SYNE2: variants seen among roughly 807,000 people sequenced by gnomAD.
SYNE2 encodes the protein nesprin-2.
SYNE2 carries 431 observed loss-of-function variants against 856.3 expected under a neutral mutation model. That is an observed-to-expected ratio of 0.50 (90% confidence interval 0.47 to 0.55). SYNE2 has a LOEUF of 0.55. SYNE2 is among the 20% of genes least tolerant of loss of function. SYNE2 has a pLI of 0.00. For synonymous variants in SYNE2, 2,923 were observed against 2,872.3 expected, an observed-to-expected ratio of 1.02 and a Z score of -0.56; for missense variants, 8,129 against 8,023.2, an observed-to-expected ratio of 1.01 and a Z score of -0.50.
At chr14:64,123,120 A>G (rs535107017) in intron 70 of SYNE2, among the ~76,000 whole-genome samples, 17 of 152,060 alleles carry the variant, frequency 1.1e-4, no homozygotes, top group Non-Finnish European at 2.5e-4. Context: ...AAAACACTTT[A>G]AAAACTATAC....
Position 63,941,746 on chromosome 14 carries a change from C to T in SYNE2, c.193C>T (p.His65Tyr). ...SDLFTDIKKG[H>Y]VLLDLLEVLS... ...CCTATTCACAGACATTAAAAAGGGG[C>T]ATGTCCTCCTGGATCTGCTAGAAGT... The change falls in exon 4 of 116, where the codon CAT becomes TAT. Residue 65 changes from histidine (H) to tyrosine (Y), a missense_variant. This residue lies in a region of SYNE2 where 2,422 missense variants were observed against 2,357.4 expected (regional missense o/e 1.03). Coordinates refer to ENST00000555002, the MANE Select transcript of SYNE2 (RefSeq NM_182914.3). 3 of 1,614,110 alleles carry T rather than the reference C, an allele frequency of 1.9e-6. No homozygotes were observed. The highest frequency in any genetic ancestry group is 2.5e-6 in the Non-Finnish European group (3 of 1,179,988).
intron 1 of SYNE2, among the ~76,000 whole-genome samples, chr14:63,801,393 T>G (rs1032404249): frequency 6.6e-6 from 1 of 152,138 alleles, no homozygotes; most frequent in Admixed American, 6.6e-5. Flanking sequence ...AAAGATAAAC[T>G]GGGCGTGGTG....
At chr14:64,188,476 GT>G in intron 97 of SYNE2, 73 bp from the exon 98 acceptor site, 3 of 1,570,952 alleles carry the variant, frequency 1.9e-6, no homozygotes, top group East Asian at 2.2e-5. Context: ...ATGAAACTCA[GT>G]TTTTTTGAGG....
In SYNE2 at chr14:64,165,346, T is replaced by A. The variant is rs1292417814; in HGVS notation, c.16541T>A (p.Met5514Lys). The change falls in exon 90 of 116, where the codon ATG becomes AAG. Residue 5514 changes from methionine (M) to lysine (K), a missense_variant. Physicochemically the swap from Met to Lys is moderately conservative, Grantham distance 95 (BLOSUM62 -1). Transcript: ENST00000555002. ...VRLESLKGLI[M>K]HEEENLDRLH... ...CTGGAATCTTTAAAAGGTCTTATTA[T>A]GCATGAAGAAGAGAATTTGGATAGA... The A allele has an allele frequency of 6.2e-7, 1 of 1,613,664 alleles. No homozygotes were observed. The highest frequency in any genetic ancestry group is 8.5e-7 in the Non-Finnish European group (1 of 1,179,614).
intron 1 of SYNE2, among the ~76,000 whole-genome samples, chr14:63,839,199 T>C (rs1203530927): frequency 6.6e-6 from 1 of 152,022 alleles, no homozygotes; most frequent in African/African-American, 2.4e-5. Flanking sequence ...CCGGCTAATT[T>C]TTTGTATTTT....
rs112511910 is a variant in SYNE2 at position 63,880,580 on chromosome 14, A to G, written c.-52+27437A>G. On this transcript the variant is annotated intron_variant, in intron 1 of 115. Coordinates refer to ENST00000555002, the MANE Select transcript of SYNE2 (RefSeq NM_182914.3). The stretch of plus-strand genomic sequence containing the variant: ...TCTTTTAATGCTTGTTTATATGCAT[A>G]TATATTTATATGGTTACATTCCTAT... Among the ~76,000 whole-genome samples, 189 of 151,800 alleles carry G rather than the reference A, an allele frequency of 1.2e-3. 2 individuals are homozygous for G. The highest frequency in any genetic ancestry group is 4.3e-3 in the African/African-American group (177 of 41,420).
intron 2 of SYNE2, among the ~76,000 whole-genome samples, chr14:63,928,048 A>AT (rs1341312722): frequency 6.6e-6 from 1 of 151,902 alleles, no homozygotes; most frequent in East Asian, 1.9e-4. Flanking sequence ...TACCATCTCT[A>AT]TAAAAAGTAG....
chr14:64,151,579 T>C (rs1391656582), intron 84 of SYNE2, among the ~76,000 whole-genome samples: 1 of 146,698 alleles, frequency 6.8e-6, no homozygotes, highest in Non-Finnish European at 1.5e-5. Context: ...TAAAAAAAGC[T>C]GGGATCCTTA....
chr14:64,188,745 A>G (rs768920987), intron 98 of SYNE2, 37 bp downstream of exon 98: 1 of 1,611,706 alleles, frequency 6.2e-7, no homozygotes, highest in South Asian at 1.1e-5. Flanking sequence ...AGTTATGACT[A>G]CCATGGAATT....
At chr14:64,077,070 T>C (rs939273734) in intron 54 of SYNE2, among the ~76,000 whole-genome samples, 6 of 152,118 alleles carry the variant, frequency 3.9e-5, no homozygotes, top group African/African-American at 1.2e-4. Flanking sequence ...GCAGAGTAAA[T>C]TAATAATCAA....
At chr14:64,211,494 C>G (rs2098640784) in intron 103 of SYNE2, among the ~76,000 whole-genome samples, 1 of 152,232 alleles carries the variant, frequency 6.6e-6, no homozygotes, top group South Asian at 2.1e-4. Flanking sequence ...CCAGGCTGGC[C>G]TCAATCCTGA....
At position 64,052,776 on chromosome 14, in the gene SYNE2, C is replaced by T. The variant is rs746126224; in HGVS notation, c.8863C>T (p.Leu2955Phe). 1 of 1,612,540 alleles carries T rather than the reference C, an allele frequency of 6.2e-7. No individual in the cohort carries two copies. Among genetic ancestry groups the T allele is most frequent in the Admixed American group, 1.7e-5 (1 of 59,762 alleles). Residue 2955 changes from leucine to phenylalanine, a missense_variant, in exon 48 of 116, where the codon CTT becomes TTT. Around this residue, in one of 3 missense-constraint regions of SYNE2, gnomAD observed 5,410 missense variants for 5,284.8 expected, o/e 1.02. Coordinates refer to ENST00000555002, the MANE Select transcript of SYNE2 (RefSeq NM_182914.3). ...CRQFHEKTSA[L>F]QEEADSIQRN... Reference sequence around the variant, plus strand: ...ACAATTCCATGAAAAAACATCAGCGCTTCAGGAGGAGGCTGACAGTATACA... The same window carrying T: ...ACAATTCCATGAAAAAACATCAGCGTTTCAGGAGGAGGCTGACAGTATACA...
chr14:64,139,941 T>A lies in SYNE2; in HGVS notation c.14844T>A (p.Ser4948Arg). 7 of 1,614,074 alleles carry A rather than the reference T, an allele frequency of 4.3e-6. No homozygotes were observed. The highest frequency in any genetic ancestry group is 5.9e-6 in the Non-Finnish European group (7 of 1,179,964). Reference sequence around the variant, plus strand: ...TTCTCTCTCACTTTGCTCCTGTTAGTTATAACAGAGATTCGGATCAGTTAA... The same window carrying A: ...TTCTCTCTCACTTTGCTCCTGTTAGATATAACAGAGATTCGGATCAGTTAA... ...RLQALLKHLL[S>R]YNRDSDQLTK... is the part of the protein sequence containing the mutation. The change falls in exon 80 of 116, where the codon AGT (serine) becomes AGA (arginine). Residue 4948 changes from serine (S) to arginine (R), a missense_variant and splice_region_variant. Ser to Arg is a moderately radical substitution (Grantham distance 110, BLOSUM62 -1). Around this residue, in one of 3 missense-constraint regions of SYNE2, gnomAD observed 5,410 missense variants for 5,284.8 expected, o/e 1.02. Coordinates refer to ENST00000555002, the MANE Select transcript of SYNE2 (RefSeq NM_182914.3).
At chr14:63,992,566 C>A (rs1421123950) in intron 21 of SYNE2, among the ~76,000 whole-genome samples, 1 of 152,188 alleles carries the variant, frequency 6.6e-6, no homozygotes, top group Non-Finnish European at 1.5e-5. Flanking sequence ...TGGACGTGAG[C>A]CACTGTGCCC....
At chr14:64,164,087 CTTATTTATTTAT>C (rs59794233) in intron 89 of SYNE2, among the ~76,000 whole-genome samples, 226 of 137,836 alleles carry the variant, frequency 1.6e-3, no homozygotes, top group East Asian at 0.012. Context: ...GCCTGGCTTG[CTTATTTATTTAT>C]TTATTTATTT....
chr14:64,107,350 C>G, intron 64 of SYNE2, 141 bp from the exon 65 acceptor site: 1 of 769,186 alleles, frequency 1.3e-6, no homozygotes, highest in Non-Finnish European at 2.3e-6. Flanking sequence ...AATGAACAAA[C>G]TTTTTTCTAA....
upstream of SYNE2, among the ~76,000 whole-genome samples, chr14:63,851,128 C>G (rs1206421136): frequency 6.6e-6 from 1 of 151,990 alleles, no homozygotes; most frequent in African/African-American, 2.4e-5. Flanking sequence ...TTGGGGAGGC[C>G]GAGGTGGATG....
chr14:64,021,464 C>A lies in SYNE2; in HGVS notation c.5301C>A (p.Leu1767=). The A allele has an allele frequency of 6.2e-7, 1 of 1,614,106 alleles. No homozygotes were observed. Residue 1767 remains leucine, a synonymous_variant, in exon 36 of 116, where the codon CTC becomes CTA. Transcript: ENST00000555002. ...AKTQIGMTES[L]LKALSPSDSL... ...CCCAGATCGGGATGACTGAATCCCT[C>A]TTAAAAGCCCTGTCTCCTTCTGACA...
rs1225157907 is a variant in SYNE2, at chr14:64,100,529, AAAATATATATATATAT to A, written c.12382-1401_12382-1386del. On this transcript the variant is annotated intron_variant, in intron 63 of 115. Transcript: ENST00000555002. ...AAAACTGTCTCAAAAAAAAAAAAAA[AAAATATATATATATAT>A]ATATATATATATATATATATATATA... Among the ~76,000 whole-genome samples the A allele has an allele frequency of 2.1e-3, 119 of 57,640 alleles. 6 individuals carry two copies. The highest frequency in any genetic ancestry group is 0.017 in the East Asian group (23 of 1,324). The allele number at this position is 57,640 out of a possible 152,430, so 37.8% of individuals were successfully genotyped here.
Sources: gnomAD v4.1 joint callset for allele counts (sites outside exome capture counted in the v4.1 genomes callset) on GRCh38, gnomAD v4.1.1 for gene constraint, gnomAD v4.1.1 regional missense constraint, MANE v1.5 for transcripts, NCBI Gene and HGNC (gene_info 2026-07-23, HGNC 2026-07-21) for gene names.